TSPEAR: variants seen among roughly 807,000 people sequenced by gnomAD.
The protein encoded by TSPEAR is thrombospondin-type laminin G domain and EAR repeat-containing protein.
In TSPEAR, 69 loss-of-function variants were observed where a neutral mutation model predicts 71.6. The ratio of observed to expected loss-of-function variants is 0.96; its 90% CI spans 0.79 to 1.18. The LOEUF (loss-of-function observed/expected upper bound fraction) is 1.18, where lower values mean the gene tolerates loss of function less well. Ranked by LOEUF, TSPEAR falls within the 50% of genes most tolerant of loss-of-function variation. The pLI is 0.00. For synonymous variants in TSPEAR, 402 were observed against 387.2 expected (o/e 1.04, Z -0.45); for missense variants, 971 against 894.9 (o/e 1.09, Z -1.09).
chr21:44,610,728 G>A (rs939743820), intron 1 of TSPEAR, among the ~76,000 whole-genome samples: 7 of 152,192 alleles, frequency 4.6e-5, no homozygotes, highest in African/African-American at 1.7e-4. Context: ...GCCTGGAAAA[G>A]CTGCTGACAC....
intron 1 of TSPEAR, among the ~76,000 whole-genome samples, chr21:44,700,727 G>A (rs1987609388): frequency 6.6e-6 from 1 of 152,186 alleles, no homozygotes. Flanking sequence ...GGCATCCCAG[G>A]CTTGCCAGGC....
chr21:44,707,230 C>G (rs28658387), intron 1 of TSPEAR, among the ~76,000 whole-genome samples: 9,300 of 151,788 alleles, frequency 0.061, 316 homozygotes, highest in Middle Eastern at 0.15. Context: ...CCACTCCTGC[C>G]GCTCCACCCC....
rs782099832 is a variant in TSPEAR, at chr21:44,539,797, G to C, written c.304-5874C>G. The C allele has an allele frequency of 1.9e-6, 3 of 1,613,472 alleles. No homozygotes were observed. The Admixed American group carries it at 5.0e-5, about 27-fold the overall frequency. Reference sequence around the variant, plus strand: ...AGCTAGACTGCTGGCAGCATGAAGAGGAATCCTTAGAGCAGGTGGGCAGGC... The same window carrying C: ...AGCTAGACTGCTGGCAGCATGAAGACGAATCCTTAGAGCAGGTGGGCAGGC... On this transcript the variant is annotated intron_variant, in intron 2 of 11. Transcript: ENST00000323084.
intron 2 of TSPEAR, among the ~76,000 whole-genome samples, chr21:44,555,017 A>G (rs1236513188): frequency 6.6e-6 from 1 of 152,230 alleles, no homozygotes; most frequent in Non-Finnish European, 1.5e-5. Flanking sequence ...CTTAAAAGCT[A>G]TTTATTGGTA....
chr21:44,694,159 G>A (rs1170523971), intron 1 of TSPEAR, among the ~76,000 whole-genome samples: 1 of 152,214 alleles, frequency 6.6e-6, no homozygotes, highest in Non-Finnish European at 1.5e-5. Flanking sequence ...CCCAAATGGT[G>A]CTGGGAAAAC....
At chr21:44,595,588 C>T (rs782706053) in intron 1 of TSPEAR, among the ~76,000 whole-genome samples, 50 of 152,272 alleles carry the variant, frequency 3.3e-4, no homozygotes, top group Non-Finnish European at 4.3e-4. Flanking sequence ...GCTCCGGACA[C>T]CCAGCAGCAC....
chr21:44,651,979 CTTTTTT>C (rs60867977), intron 1 of TSPEAR, among the ~76,000 whole-genome samples: 3 of 124,514 alleles, frequency 2.4e-5, no homozygotes, highest in Admixed American at 8.2e-5. Context: ...ATAAAACTTT[CTTTTTT>C]TTTTTTTTTT....
chr21:44,573,736 C>T (rs199689212), intron 1 of TSPEAR: 2 of 1,603,888 alleles, frequency 1.2e-6, no homozygotes, highest in East Asian at 2.2e-5. Flanking sequence ...CCCAGCTCAA[C>T]CCCCAGCACA....
At chr21:44,501,354 G>C (rs1164339661) in intron 11 of TSPEAR, among the ~76,000 whole-genome samples, 2 of 152,200 alleles carry the variant, frequency 1.3e-5, no homozygotes, top group African/African-American at 4.8e-5. Flanking sequence ...CCAGCACTTT[G>C]GGAGGCCGAG....
intron 1 of TSPEAR, among the ~76,000 whole-genome samples, chr21:44,625,293 A>T (rs1982693674): frequency 6.6e-6 from 1 of 152,216 alleles, no homozygotes; most frequent in Non-Finnish European, 1.5e-5. Flanking sequence ...GAGACTTGGC[A>T]CAGAAATACT....
At chr21:44,696,789 T>C (rs73909235) in intron 1 of TSPEAR, among the ~76,000 whole-genome samples, 5,213 of 152,244 alleles carry the variant, frequency 0.034, 301 homozygotes, top group African/African-American at 0.12. Flanking sequence ...CTCCAGCCCA[T>C]TGGCCGGCTC....
At chr21:44,531,776 A>T (rs1366699352) in intron 3 of TSPEAR, among the ~76,000 whole-genome samples, 2 of 152,202 alleles carry the variant, frequency 1.3e-5, no homozygotes, top group African/African-American at 4.8e-5. Context: ...CAGGACAGGA[A>T]GGAGGCTGGT....
intron 9 of TSPEAR, chr21:44,516,342 A>C (rs1298225645): frequency 6.6e-6 from 1 of 152,364 alleles, no homozygotes; most frequent in Non-Finnish European, 1.5e-5. Context: ...TGGTCTGGGC[A>C]CCTGAAGGCA....
chr21:44,611,189 G>T (rs1981644862), intron 1 of TSPEAR, among the ~76,000 whole-genome samples: 1 of 152,112 alleles, frequency 6.6e-6, no homozygotes, highest in South Asian at 2.1e-4. Context: ...ATTTGGAAGG[G>T]CCAGGGACAG....
At chr21:44,558,628 G>A (rs782410860) in intron 2 of TSPEAR, 9 of 1,612,000 alleles carry the variant, frequency 5.6e-6, no homozygotes, top group Admixed American at 1.7e-5. Flanking sequence ...GCGCAGCAGG[G>A]GGGCTCACAG....
intron 1 of TSPEAR, among the ~76,000 whole-genome samples, chr21:44,641,078 A>G (rs1013147071): frequency 1.3e-5 from 2 of 152,222 alleles, no homozygotes; most frequent in Non-Finnish European, 2.9e-5. Context: ...TCAGCTCTGG[A>G]TGCAGAATAT....
At chr21:44,570,849 G>C (rs587724329) in intron 1 of TSPEAR, among the ~76,000 whole-genome samples, 2 of 152,278 alleles carry the variant, frequency 1.3e-5, no homozygotes, top group Admixed American at 1.3e-4. Flanking sequence ...AGGCTGATAA[G>C]GGAACTCCAT....
At chr21:44,696,897 A>AC (rs1987362293) in intron 1 of TSPEAR, among the ~76,000 whole-genome samples, 1 of 152,128 alleles carries the variant, frequency 6.6e-6, no homozygotes, top group Non-Finnish European at 1.5e-5. Context: ...TCAAGAAACC[A>AC]CCCCAAACAC....
Position 44,627,919 on chromosome 21 carries a change from T to C in TSPEAR, c.83-59914A>G, listed in dbSNP as rs377362989. ...CGCCTGCTGCGTGCCCGTCTCCTCCTGCTGTGCCCCCACCTCCTCCCGCCA... is the reference window on the plus strand; with the variant it reads ...CGCCTGCTGCGTGCCCGTCTCCTCCCGCTGTGCCCCCACCTCCTCCCGCCA... On this transcript the variant is annotated intron_variant, in intron 1 of 11. Coordinates refer to ENST00000323084, the MANE Select transcript of TSPEAR (RefSeq NM_144991.3). 5 of 1,519,852 alleles carry C rather than the reference T, an allele frequency of 3.3e-6. No homozygotes were observed. In the African/African-American group the frequency reaches 6.9e-5, roughly 21 times the overall value. The allele number at this position is 1,519,852 out of a possible 1,614,324, so 94.1% of individuals were successfully genotyped here.
Sources: gnomAD v4.1 joint callset for allele counts (sites outside exome capture counted in the v4.1 genomes callset) on GRCh38, gnomAD v4.1.1 for gene constraint, MANE v1.5 for transcripts, NCBI Gene and HGNC (gene_info 2026-07-23, HGNC 2026-07-21) for gene names.